Variants in PRKG1 observed in about 807,000 individuals in gnomAD.
PRKG1 encodes cGMP-dependent protein kinase 1.
Under a neutral mutation model 88.1 loss-of-function variants are expected in PRKG1, and 35 were observed. The observed-to-expected ratio is 0.40, with a 90% CI of 0.30 to 0.53. PRKG1 has a LOEUF of 0.53. PRKG1 is among the 20% of genes least tolerant of loss of function. PRKG1 has a pLI of 0.59. For missense variants in PRKG1, 540 were observed against 839.8 expected, an observed-to-expected ratio of 0.64 and a Z score of 4.41; for synonymous variants, 303 against 292.5, an observed-to-expected ratio of 1.04 and a Z score of -0.37.
intron 2 of PRKG1, 34 bp from the exon 3 acceptor site, chr10:51,467,689 T>C (rs1373978014): frequency 1.3e-6 from 2 of 1,502,596 alleles, no homozygotes; most frequent in South Asian, 1.1e-5. Flanking sequence ...TGAGAAATAA[T>C]TTATATAACA....
chr10:51,612,255 C>T (rs747426716), intron 3 of PRKG1, among the ~76,000 whole-genome samples: 24 of 152,032 alleles, frequency 1.6e-4, no homozygotes, highest in Middle Eastern at 3.4e-3. Flanking sequence ...ACAATATTCT[C>T]CTACTCTATT....
At chr10:51,294,516 T>C (rs1840667791) in intron 2 of PRKG1, among the ~76,000 whole-genome samples, 1 of 152,100 alleles carries the variant, frequency 6.6e-6, no homozygotes, top group Admixed American at 6.6e-5. Context: ...TAAAGATCAG[T>C]TGATGGTAAT....
intron 3 of PRKG1, among the ~76,000 whole-genome samples, chr10:51,485,302 G>T (rs1840498001): frequency 1.3e-5 from 2 of 152,156 alleles, no homozygotes; most frequent in Non-Finnish European, 2.9e-5. Context: ...TTATTGGGAA[G>T]AAACTACTTG....
At chr10:51,610,812 G>A (rs908458405) in intron 3 of PRKG1, among the ~76,000 whole-genome samples, 13 of 152,088 alleles carry the variant, frequency 8.5e-5, no homozygotes, top group African/African-American at 3.1e-4. Context: ...AACACTGCAT[G>A]TTCTCACTCA....
At chr10:51,995,291 A>G (rs941718036) in intron 5 of PRKG1, among the ~76,000 whole-genome samples, 1 of 152,150 alleles carries the variant, frequency 6.6e-6, no homozygotes, top group African/African-American at 2.4e-5. Context: ...TTAACAGTGA[A>G]TGAGTCTTAA....
chr10:52,066,786 T>C (rs781739080), intron 7 of PRKG1, among the ~76,000 whole-genome samples: 1 of 152,220 alleles, frequency 6.6e-6, no homozygotes, highest in Non-Finnish European at 1.5e-5. Flanking sequence ...TAATCTGATT[T>C]TTTAAAAAAG....
chr10:52,269,300 G>A (rs1841657327), intron 10 of PRKG1, among the ~76,000 whole-genome samples: 1 of 152,016 alleles, frequency 6.6e-6, no homozygotes, highest in Non-Finnish European at 1.5e-5. Context: ...CACATTTGGT[G>A]TTTTATTTTG....
At chr10:51,693,287 CAAA>C (rs762828746) in intron 3 of PRKG1, among the ~76,000 whole-genome samples, 3 of 70,560 alleles carry the variant, frequency 4.3e-5, no homozygotes, top group Admixed American at 1.7e-4. Context: ...GACACCACCT[CAAA>C]AAAAAAAAAA....
intron 3 of PRKG1, among the ~76,000 whole-genome samples, chr10:51,723,114 A>T (rs1239991837): frequency 1.3e-5 from 2 of 152,222 alleles, no homozygotes; most frequent in Non-Finnish European, 2.9e-5. Context: ...ATAAGTGGTC[A>T]CCATACCACT....
chr10:52,214,005 A>G (rs781384875), intron 9 of PRKG1, among the ~76,000 whole-genome samples: 2 of 152,042 alleles, frequency 1.3e-5, no homozygotes, highest in Non-Finnish European at 2.9e-5. Flanking sequence ...TCAAAATTTG[A>G]TGAGCATTTA....
At chr10:51,645,689 A>G (rs1368156958) in intron 3 of PRKG1, among the ~76,000 whole-genome samples, 1 of 152,212 alleles carries the variant, frequency 6.6e-6, no homozygotes, top group African/African-American at 2.4e-5. Context: ...AAAACAAAAG[A>G]AAAACAAGTA....
intron 1 of PRKG1, chr10:51,068,610 C>T (rs1843783628): frequency 6.6e-6 from 1 of 151,846 alleles, no homozygotes; most frequent in Non-Finnish European, 1.5e-5. Flanking sequence ...AAAATACAAA[C>T]AACAGCAAAA....
At chr10:51,641,402 A>G (rs1344935800) in intron 3 of PRKG1, among the ~76,000 whole-genome samples, 1 of 152,150 alleles carries the variant, frequency 6.6e-6, no homozygotes, top group East Asian at 1.9e-4. Context: ...AAGGTGATGA[A>G]TTTTTTAGTC....
At chr10:52,280,670 G>C in intron 12 of PRKG1, 119 bp from the exon 13 acceptor site, 1 of 1,050,198 alleles carries the variant, frequency 9.5e-7, no homozygotes, top group Non-Finnish European at 1.4e-6. Flanking sequence ...TAGCTAGCAG[G>C]ACAGTGATCT....
intron 3 of PRKG1, among the ~76,000 whole-genome samples, chr10:51,628,410 G>A (rs868402009): frequency 2.6e-4 from 40 of 151,454 alleles, no homozygotes; most frequent in African/African-American, 9.2e-4. Flanking sequence ...AATTCCACCC[G>A]CCTCGCCCTC....
chr10:51,732,022 C>T (rs1318807000), intron 3 of PRKG1, among the ~76,000 whole-genome samples: 4 of 118,764 alleles, frequency 3.4e-5, no homozygotes, highest in Admixed American at 1.6e-4. Context: ...TCCCTCCCTC[C>T]CTTCCTTCCT....
intron 5 of PRKG1, among the ~76,000 whole-genome samples, chr10:52,012,999 A>G (rs1844932324): frequency 6.6e-6 from 1 of 152,180 alleles, no homozygotes; most frequent in Non-Finnish European, 1.5e-5. Context: ...TATTAGAGCT[A>G]TTTGAGTGAG....
rs1205211844 is a variant in PRKG1, at chr10:51,151,095, A to G, written c.312-2069A>G. ...TCTTGATTAGTTTTTATTGTACAAG[A>G]AACTATGAACCCATCAAATGGCCTC... is the stretch of plus-strand genomic sequence containing the variant. On this transcript the variant is annotated intron_variant, in intron 1 of 17. Coordinates refer to ENST00000373980, the MANE Select transcript of PRKG1 (RefSeq NM_006258.4). 1.3e-4 allele frequency among the ~76,000 whole-genome samples: 19 copies of G among 150,978 alleles called. No homozygotes were observed. The Admixed American group carries it at 1.3e-3, about 10-fold the overall frequency.
chr10:52,281,595 C>G (rs760288807), intron 13 of PRKG1, among the ~76,000 whole-genome samples: 1 of 152,074 alleles, frequency 6.6e-6, no homozygotes, highest in Non-Finnish European at 1.5e-5. Context: ...CGACACTCTT[C>G]CTTCAAAAGA....
Sources: allele counts gnomAD v4.1 joint callset (sites outside exome capture counted in the v4.1 genomes callset), GRCh38; gene constraint gnomAD v4.1.1; transcripts MANE v1.5; gene names NCBI Gene and HGNC (gene_info 2026-07-23, HGNC 2026-07-21).